DDX20: variants seen among roughly 807,000 people sequenced by gnomAD.
DDX20 encodes the protein DEAD-box helicase 20.
DDX20 carries 61 observed loss-of-function variants against 76.4 expected under a neutral mutation model. That is an observed-to-expected ratio of 0.80 (90% CI 0.65 to 0.99). The LOEUF (loss-of-function observed/expected upper bound fraction) is 0.99. DDX20 is among the 50% of genes least tolerant of loss of function. DDX20 has a pLI of 0.00. For missense variants in DDX20, 976 were observed against 996.8 expected, an observed-to-expected ratio of 0.98 and a Z score of 0.28; for synonymous variants, 357 against 357.4, an observed-to-expected ratio of 1.00 and a Z score of 0.01.
At chr1:111,765,692 G>C in intron 10 of DDX20, 45 bp from the exon 11 acceptor site, 2 of 1,486,180 alleles carry the variant, frequency 1.3e-6, no homozygotes, top group Non-Finnish European at 1.8e-6. Context: ...CAGTGGTCTA[G>C]AGTAGCTTGA....
At chr1:111,762,408 CA>C in intron 8 of DDX20, 71 bp downstream of exon 8, 6 of 1,261,362 alleles carry the variant, frequency 4.8e-6, no homozygotes, top group Non-Finnish European at 6.8e-6. Flanking sequence ...GTACAGATTT[CA>C]TATATTATTT....
At position 111,762,525 on chromosome 1, in the gene DDX20, A is replaced by AT. The variant is rs1374006601; in HGVS notation, c.1105-150dup. 4 of 829,384 alleles carry AT rather than the reference A, an allele frequency of 4.8e-6. No homozygotes were observed. The East Asian group carries it at 1.0e-4, about 21-fold the overall frequency. The allele number at this position is 829,384 out of a possible 1,614,324, so 51.4% of individuals were successfully genotyped here. Reference sequence around the variant, plus strand: ...TAATATGTTTATCTTTGTCCTTGAAATTAGTCATTAGGAATGAATTTCCTT... The same window carrying AT: ...TAATATGTTTATCTTTGTCCTTGAAATTTAGTCATTAGGAATGAATTTCCTT... On this transcript the variant is annotated intron_variant, in intron 8 of 10. Transcript: ENST00000369702.
intron 10 of DDX20, among the ~76,000 whole-genome samples, chr1:111,764,341 T>C (rs571485450): frequency 1.3e-5 from 2 of 152,242 alleles, no homozygotes; most frequent in South Asian, 2.1e-4. Flanking sequence ...ATATAGGATA[T>C]GTAGTTATTG....
In DDX20 at chr1:111,762,342, A is replaced by G. The variant is rs1663691015; in HGVS notation, c.1104+5A>G. 6.2e-7 allele frequency: 1 copy of G among 1,611,300 alleles called. No homozygotes were observed. ...GTCCTCATTTCCACAGATTTGGTAA[A>G]TTTCCTATTCAGTTTGGGTGACTAA... On this transcript the variant is annotated splice_donor_5th_base_variant and intron_variant, in intron 8 of 10. Transcript: ENST00000369702.
rs181983782 is a variant in DDX20, at chr1:111,757,579, T to G, written c.396+839T>G. ...ATTCTCATAGCCTTACTTGGTAGTTTAGTTGTTATGGCAGACTGTATTTCA... is the reference window on the plus strand; with the variant it reads ...ATTCTCATAGCCTTACTTGGTAGTTGAGTTGTTATGGCAGACTGTATTTCA... On this transcript the variant is annotated intron_variant, in intron 2 of 10. Coordinates refer to ENST00000369702, the MANE Select transcript of DDX20 (RefSeq NM_007204.5). Among the ~76,000 whole-genome samples the G allele has an allele frequency of 3.0e-3, 456 of 152,356 alleles. 4 individuals are homozygous for G. The highest frequency in any genetic ancestry group is 5.7e-3 in the Non-Finnish European group (389 of 68,032).
chr1:111,762,770 G>C lies in DDX20; in HGVS notation c.1198G>C (p.Ala400Pro). 2 of 1,610,882 alleles carry C rather than the reference G, an allele frequency of 1.2e-6. No homozygotes were observed. The highest frequency in any genetic ancestry group is 4.5e-5 in the East Asian group (2 of 44,852). The change falls in exon 9 of 11, where the codon GCT becomes CCT. Residue 400 changes from alanine (A) to proline (P), a missense_variant. By Grantham distance (27) the Ala-to-Pro change is conservative. This residue lies in a region of DDX20 where 630 missense variants were observed against 693.7 expected (regional missense o/e 0.91). Transcript: ENST00000369702. ...WETYMHRIGR[A>P]GRFGTLGLTV... ...GACATACATGCATCGGATTGGGAGA[G>C]CTGGCCGTTTTGGTAAAAAAAAAAA...
chr1:111,764,379 C>T (rs1274183153), intron 10 of DDX20, among the ~76,000 whole-genome samples: 5 of 152,102 alleles, frequency 3.3e-5, no homozygotes, highest in Non-Finnish European at 7.4e-5. Context: ...ATTTTACCGA[C>T]TTTATATTTA....
intron 7 of DDX20, 97 bp from the exon 8 acceptor site, chr1:111,762,157 TG>T: frequency 3.5e-6 from 3 of 851,416 alleles, no homozygotes; most frequent in Non-Finnish European, 5.7e-6. Context: ...GTATTAAAAG[TG>T]TTAAGACTGG....
chr1:111,756,079 G>T lies in DDX20; in HGVS notation c.155G>T (p.Arg52Leu), dbSNP rs372017454. 124 of 1,605,546 alleles carry T rather than the reference G, an allele frequency of 7.7e-5. No homozygotes were observed. Among genetic ancestry groups the T allele is most frequent in the Non-Finnish European group, 9.8e-5 (116 of 1,179,214 alleles). ...CAGGATCTCAGCAGCCCGCGGACCCGCACGGGGGATGTGCTGTTGGCGGAG... is the reference window on the plus strand; with the variant it reads ...CAGGATCTCAGCAGCCCGCGGACCCTCACGGGGGATGTGCTGTTGGCGGAG... ...TAQDLSSPRT[R>L]TGDVLLAEPA... The change falls in exon 1 of 11, where the codon CGC (arginine) becomes CTC (leucine). Residue 52 changes from arginine to leucine, a missense_variant. Physicochemically the swap from Arg to Leu is moderately radical, Grantham distance 102. This residue lies in a region of DDX20 where 343 missense variants were observed against 286.4 expected (regional missense o/e 1.20). Transcript: ENST00000369702.
chr1:111,756,499 G>C (rs1299027584), intron 1 of DDX20, 147 bp from the exon 2 acceptor site: 2 of 712,276 alleles, frequency 2.8e-6, no homozygotes, highest in Admixed American at 2.6e-5. Context: ...GACTAGGCGT[G>C]TTCTCATACG....
chr1:111,764,486 C>T (rs1663737974), intron 10 of DDX20, among the ~76,000 whole-genome samples: 1 of 152,048 alleles, frequency 6.6e-6, no homozygotes, highest in African/African-American at 2.4e-5. Context: ...TTTTACAAAT[C>T]TCTGTAATTG....
At chr1:111,761,946 AT>A (rs1302286990) in intron 7 of DDX20, 1 of 215,554 alleles carries the variant, frequency 4.6e-6, no homozygotes, top group African/African-American at 2.3e-5. Flanking sequence ...TGATTAAAGC[AT>A]TTTTATTTTC....
Position 111,761,210 on chromosome 1 carries a change from A to T in DDX20, c.963-16A>T. ...AATATTTGTAAATTTGTAACCATTT[A>T]TGTTATATTTCATAGAGCACAACAT... On this transcript the variant is annotated splice_polypyrimidine_tract_variant and intron_variant, in intron 6 of 10. Coordinates refer to ENST00000369702, the MANE Select transcript of DDX20 (RefSeq NM_007204.5). 6.2e-7 allele frequency: 1 copy of T among 1,612,762 alleles called. No individual in the cohort carries two copies. The highest frequency in any genetic ancestry group is 8.5e-7 in the Non-Finnish European group (1 of 1,179,370).
chr1:111,762,950 GA>G lies in DDX20; in HGVS notation c.1259del (p.Asn420IlefsTer2), dbSNP rs2101422593. 6.2e-7 allele frequency: 1 copy of G among 1,614,036 alleles called. No homozygotes were observed. Among genetic ancestry groups the G allele is most frequent in the South Asian group, 1.1e-5 (1 of 91,084 alleles). ...TVTYCCRGEE[E>X]NMMMRIAQKC... is the part of the protein sequence containing the mutation. ...GACCTACTGTTGCCGGGGAGAGGAAGAAAATATGATGATGAGAATTGCCCAG... is the reference window on the plus strand; with the variant it reads ...GACCTACTGTTGCCGGGGAGAGGAAGAAATATGATGATGAGAATTGCCCAG... On this transcript the variant is annotated frameshift_variant, in exon 10 of 11. Coordinates refer to ENST00000369702, the MANE Select transcript of DDX20 (RefSeq NM_007204.5). LOFTEE classifies it high-confidence loss of function.
intron 1 of DDX20, 63 bp from the exon 2 acceptor site, chr1:111,756,583 A>G: frequency 4.3e-6 from 6 of 1,398,562 alleles, no homozygotes; most frequent in Non-Finnish European, 6.1e-6. Context: ...CTCTGATTCC[A>G]TGTTAGCCCC....
chr1:111,766,920 C>G lies in DDX20; in HGVS notation c.*21C>G. 6.5e-7 allele frequency: 1 copy of G among 1,549,882 alleles called. No homozygotes were observed. The highest frequency in any genetic ancestry group is 8.8e-7 in the Non-Finnish European group (1 of 1,134,748). ...AGTGATTATAGGATATACCTGAGAC[C>G]ATCAGGAACTGTCAACAAATGATAC... On this transcript the variant is annotated 3_prime_UTR_variant, in exon 11 of 11. Transcript: ENST00000369702.
rs61744783 is a variant in DDX20 at position 111,765,947 on chromosome 1, C to A, written c.1523C>A (p.Ser508Ter). The change falls in exon 11 of 11, where the codon TCA (serine) becomes TAA (stop). Residue 508 changes from serine to a stop codon, truncating the protein, a stop_gained. Transcript: ENST00000369702. LOFTEE classifies it high-confidence loss of function. ...TCTGTATCTGGACTATCAGTCAAATCAAAAAATAATACCAAACAAAAGCTT... is the reference window on the plus strand; with the variant it reads ...TCTGTATCTGGACTATCAGTCAAATAAAAAAATAATACCAAACAAAAGCTT... ...NNSVSGLSVK[S>*]KNNTKQKLPV... The A allele has an allele frequency of 1.3e-5, 21 of 1,612,752 alleles. No individual in the cohort carries two copies. In the African/African-American group the frequency reaches 2.4e-4, roughly 19 times the overall value.
chr1:111,758,377 T>C, intron 2 of DDX20, among the ~76,000 whole-genome samples: 1 of 146,468 alleles, frequency 6.8e-6, no homozygotes, highest in Non-Finnish European at 1.5e-5. Flanking sequence ...TTTTTTTAAA[T>C]CAATTTTTTT....
intron 8 of DDX20, 45 bp downstream of exon 8, chr1:111,762,382 T>C: frequency 7.0e-7 from 1 of 1,428,386 alleles, no homozygotes; most frequent in Non-Finnish European, 9.8e-7. Flanking sequence ...TCTTGACATA[T>C]GTTCTATTAT....
Sources: gnomAD v4.1 joint callset for allele counts (sites outside exome capture counted in the v4.1 genomes callset) on GRCh38, gnomAD v4.1.1 for gene constraint, gnomAD v4.1.1 regional missense constraint, MANE v1.5 for transcripts, NCBI Gene and HGNC (gene_info 2026-07-23, HGNC 2026-07-21) for gene names.